ARHGEF1: variants seen among roughly 807,000 people sequenced by gnomAD.
ARHGEF1 encodes the protein 115 kDa guanine nucleotide exchange factor.
ARHGEF1 carries 40 observed loss-of-function variants against 119.7 expected under a neutral mutation model. The observed-to-expected ratio is 0.33, with a 90% CI of 0.26 to 0.44. The LOEUF is 0.44. ARHGEF1 is among the 20% of genes least tolerant of loss of function. The probability of loss-of-function intolerance (pLI) is 1.00; values close to 1 mark genes in which losing one functional copy is unlikely to be tolerated. For missense variants in ARHGEF1, 976 were observed against 1,268.3 expected (o/e 0.77, Z 3.50); for synonymous variants, 494 against 521.0 (o/e 0.95, Z 0.71).
chr19:41,916,805 C>T lies in ARHGEF1; in HGVS notation c.1866-6287C>T, dbSNP rs1555851987. The stretch of plus-strand genomic sequence containing the variant: ...CCATTCACAGACACAGTCACAATCA[C>T]ACACACACACCAAGATCACGGACCC... On this transcript the variant is annotated intron_variant, in intron 18 of 20. Transcript: ENST00000599589. The surrounding 1 kb of genome is among the most constrained non-coding windows in gnomAD (Gnocchi z 5.4). Among the ~76,000 whole-genome samples the T allele has an allele frequency of 1.3e-5, 2 of 151,844 alleles. No individual in the cohort carries two copies. Among genetic ancestry groups the T allele is most frequent in the Non-Finnish European group, 2.9e-5 (2 of 67,990 alleles).
At chr19:41,884,482 CA>C (rs1555844910) in intron 1 of ARHGEF1, 1 of 1,607,714 alleles carries the variant, frequency 6.2e-7, no homozygotes, top group African/African-American at 1.3e-5. Flanking sequence ...CTTCTCTTTC[CA>C]CCTGGAGCAG....
downstream of ARHGEF1, chr19:41,909,344 G>A: frequency 8.1e-7 from 1 of 1,235,934 alleles, no homozygotes; most frequent in Middle Eastern, 2.1e-4. This position sits in a 1 kb window ranked among gnomAD's most constrained non-coding sequence, Gnocchi z 5.2. Flanking sequence ...AGCAAGAGTG[G>A]GGAGCCAGTG....
rs959542494 is a variant in ARHGEF1 at position 41,917,132 on chromosome 19, C to G, written c.1866-5960C>G. On this transcript the variant is annotated intron_variant, in intron 18 of 20. Coordinates refer to the ARHGEF1 transcript ENST00000599589. The surrounding 1 kb of genome is among the most constrained non-coding windows in gnomAD (Gnocchi z 4.8). Reference sequence around the variant, plus strand: ...CCCCTTCGGGTGTCGGCGCATCTTTCTGTCTGTCTCTGTCACTGAGGGTCT... The same window carrying G: ...CCCCTTCGGGTGTCGGCGCATCTTTGTGTCTGTCTCTGTCACTGAGGGTCT... 6.6e-6 allele frequency among the ~76,000 whole-genome samples: 1 copy of G among 152,184 alleles called. No individual in the cohort carries two copies. The highest frequency in any genetic ancestry group is 2.4e-5 in the African/African-American group (1 of 41,438).
intron 14 of ARHGEF1, 70 bp downstream of exon 14, chr19:41,898,657 C>G: frequency 6.8e-7 from 1 of 1,480,046 alleles, no homozygotes; most frequent in Non-Finnish European, 9.0e-7. Context: ...CAAAGACAGG[C>G]GCAGAGAGAT....
chr19:41,921,000 C>A (rs1324449773), upstream of ARHGEF1, among the ~76,000 whole-genome samples: 2 of 152,210 alleles, frequency 1.3e-5, no homozygotes, highest in Non-Finnish European at 2.9e-5. Flanking sequence ...AGTCTCCGCA[C>A]GATGTCCCTG....
intron 14 of ARHGEF1, among the ~76,000 whole-genome samples, chr19:41,901,175 G>A (rs546372249): frequency 6.6e-6 from 1 of 151,656 alleles, no homozygotes; most frequent in East Asian, 1.9e-4. Flanking sequence ...TTTTGAGACG[G>A]AGTCTCGTTC....
intron 1 of ARHGEF1, among the ~76,000 whole-genome samples, chr19:41,925,798 G>A (rs535163335): frequency 5.9e-5 from 9 of 152,260 alleles, no homozygotes; most frequent in African/African-American, 2.2e-4. Flanking sequence ...GCTCTTAGGT[G>A]ACCTGTGTGT....
chr19:41,896,649 C>A lies in ARHGEF1; in HGVS notation c.1121+167C>A, dbSNP rs1453495195. 4 of 708,828 alleles carry A rather than the reference C, an allele frequency of 5.6e-6. No individual in the cohort carries two copies. The Admixed American group carries it at 8.0e-5, about 14-fold the overall frequency. 43.9% of individuals were successfully genotyped at this position (708,828 alleles called of 1,614,324 possible). A position where few individuals can be genotyped will look rare whatever the true frequency, so the allele number is the denominator to read the frequency against. On this transcript the variant is annotated intron_variant, in intron 13 of 28. Coordinates refer to ENST00000354532, the MANE Select transcript of ARHGEF1 (RefSeq NM_004706.4). ...TTCCTCTCCCTTCTTCTTTCCTTTTCTCATCTCCCTCCTGCTTCCTCATTG... is the reference window on the plus strand; with the variant it reads ...TTCCTCTCCCTTCTTCTTTCCTTTTATCATCTCCCTCCTGCTTCCTCATTG...
At chr19:41,908,387 T>C (rs891169), downstream of ARHGEF1, 66,662 of 1,231,100 alleles carry the variant, frequency 0.054, 18,018 homozygotes, top group African/African-American at 0.71. This position sits in a 1 kb window ranked among gnomAD's most constrained non-coding sequence, Gnocchi z 6.7. Flanking sequence ...CCCCAGCCCC[T>C]GGCAGCGCCA....
rs903939783 is a variant in ARHGEF1, at chr19:41,903,458, G to C, written c.1839+51G>C. Reference sequence around the variant, plus strand: ...GGGACAGTGGATGGTGTGAGAGCAGGGGGTGGACCCTACCTCAGCCTGTCC... The same window carrying C: ...GGGACAGTGGATGGTGTGAGAGCAGCGGGTGGACCCTACCTCAGCCTGTCC... On this transcript the variant is annotated intron_variant, in intron 19 of 28. Coordinates refer to ENST00000354532, the MANE Select transcript of ARHGEF1 (RefSeq NM_004706.4). This position sits in a 1 kb window ranked among gnomAD's most constrained non-coding sequence, Gnocchi z 4.2. 1.9e-6 allele frequency: 3 copies of C among 1,559,072 alleles called. No individual in the cohort carries two copies. The highest frequency in any genetic ancestry group is 2.7e-5 in the African/African-American group (2 of 73,736).
chr19:41,926,789 C>T (rs1166120115), intron 1 of ARHGEF1, among the ~76,000 whole-genome samples: 1 of 152,170 alleles, frequency 6.6e-6, no homozygotes, highest in Non-Finnish European at 1.5e-5. Context: ...TCCAGAGCGA[C>T]CGATCGATTC....
At chr19:41,894,010 G>A (rs2074428551) in intron 8 of ARHGEF1, among the ~76,000 whole-genome samples, 197 bp from the exon 9 acceptor site, 1 of 151,574 alleles carries the variant, frequency 6.6e-6, no homozygotes, top group Non-Finnish European at 1.5e-5. Context: ...TTGGGTAACA[G>A]CCCTTGCCCC....
At position 41,906,282 on chromosome 19, in the gene ARHGEF1, C is replaced by T. The variant is rs2074694023; in HGVS notation, c.2492-175C>T. The T allele has an allele frequency of 2.8e-6, 2 of 715,582 alleles. No individual in the cohort carries two copies. The highest frequency in any genetic ancestry group is 4.6e-6 in the Non-Finnish European group (2 of 430,776). The allele number at this position is 715,582 out of a possible 1,614,324, so 44.3% of individuals were successfully genotyped here. A position where few individuals can be genotyped will look rare whatever the true frequency, so the allele number is the denominator to read the frequency against. Reference sequence around the variant, plus strand: ...AGTACCTTCCTGCCCTGTCCCAACCCTAAACCCAGCCTCACTTCTTCACCT... The same window carrying T: ...AGTACCTTCCTGCCCTGTCCCAACCTTAAACCCAGCCTCACTTCTTCACCT... On this transcript the variant is annotated intron_variant, in intron 26 of 28. Coordinates refer to ENST00000354532, the MANE Select transcript of ARHGEF1 (RefSeq NM_004706.4). The surrounding 1 kb of genome is among the most constrained non-coding windows in gnomAD (Gnocchi z 4.5).
chr19:41,903,532 T>TGC lies in ARHGEF1; in HGVS notation c.1839+125_1839+126insGC. ...CTTGTCTCCCTCAAGGGTCACTGTG[T>TGC]CCAGGGGTTGGCTTGGCCCTCAGCA... On this transcript the variant is annotated intron_variant, in intron 19 of 28. Coordinates refer to ENST00000354532, the MANE Select transcript of ARHGEF1 (RefSeq NM_004706.4). This position sits in a 1 kb window ranked among gnomAD's most constrained non-coding sequence, Gnocchi z 4.2. The TGC allele has an allele frequency of 8.7e-7, 1 of 1,150,302 alleles. No individual in the cohort carries two copies. The highest frequency in any genetic ancestry group is 1.4e-5 in the South Asian group (1 of 73,254). 71.3% of individuals were successfully genotyped at this position (1,150,302 alleles called of 1,614,324 possible). A position where few individuals can be genotyped will look rare whatever the true frequency, so the allele number is the denominator to read the frequency against.
upstream of ARHGEF1, among the ~76,000 whole-genome samples, chr19:41,919,429 T>C (rs1179460856): frequency 6.6e-6 from 1 of 151,950 alleles, no homozygotes; most frequent in African/African-American, 2.4e-5. Context: ...GGACACACAG[T>C]ATCACTCAAT....
Position 41,906,750 on chromosome 19 carries a change from T to TG in ARHGEF1, c.2709dup (p.Asn904GlufsTer119), listed in dbSNP as rs782547158. 1.9e-6 allele frequency: 3 copies of TG among 1,611,668 alleles called. No homozygotes were observed. The highest frequency in any genetic ancestry group is 1.3e-5 in the African/African-American group (1 of 74,746). ...GCCTGAGACCCCTCCTGTCTCAGCT[T>TG]GGGGGGAACTCTGTCCCCCAGCCTG... On this transcript the variant is annotated frameshift_variant, in exon 28 of 29. Coordinates refer to ENST00000354532, the MANE Select transcript of ARHGEF1 (RefSeq NM_004706.4). LOFTEE classifies it high-confidence loss of function. This position sits in a 1 kb window ranked among gnomAD's most constrained non-coding sequence, Gnocchi z 4.5.
intron 12 of ARHGEF1, 128 bp downstream of exon 12, chr19:41,895,614 C>G: frequency 1.0e-6 from 1 of 1,003,068 alleles, no homozygotes; most frequent in East Asian, 2.7e-5. Context: ...TCAGCATCCA[C>G]TTCTCCCTGC....
At chr19:41,909,427 C>A, downstream of ARHGEF1, 1 of 1,237,660 alleles carries the variant, frequency 8.1e-7, no homozygotes, top group Non-Finnish European at 1.0e-6. This position sits in a 1 kb window ranked among gnomAD's most constrained non-coding sequence, Gnocchi z 5.2. Flanking sequence ...GTAGGTGAAC[C>A]TCTTCCCTTT....
rs534336407 is a variant in ARHGEF1, at chr19:41,916,653, C to T, written c.1866-6439C>T. Among the ~76,000 whole-genome samples, 14 of 152,220 alleles carry T rather than the reference C, an allele frequency of 9.2e-5. No homozygotes were observed. The highest frequency in any genetic ancestry group is 2.9e-4 in the African/African-American group (12 of 41,500). On this transcript the variant is annotated intron_variant, in intron 18 of 20. Coordinates refer to the ARHGEF1 transcript ENST00000599589. The surrounding 1 kb of genome is among the most constrained non-coding windows in gnomAD (Gnocchi z 5.4). ...AGACAACAGCACACAGAAACAGACA[C>T]ACAGTCACACAACCAAGCACCACCG...
Sources: allele counts gnomAD v4.1 joint callset (sites outside exome capture counted in the v4.1 genomes callset), GRCh38; gene constraint gnomAD v4.1.1; non-coding constraint Gnocchi (gnomAD v3.1); transcripts MANE v1.5; gene names NCBI Gene and HGNC (gene_info 2026-07-23, HGNC 2026-07-21).